ZNF677: variants seen among roughly 807,000 people sequenced by gnomAD.
ZNF677 encodes hypothetical protein MGC48625.
In ZNF677, 5 loss-of-function variants were observed where a neutral mutation model predicts 8.1. That is an observed-to-expected ratio of 0.62 (90% CI 0.32 to 1.29). ZNF677 has a LOEUF of 1.29. Among genes scored for constraint, ZNF677 ranks in the 50% most tolerant of loss-of-function variants. The pLI, the probability that ZNF677 is intolerant of heterozygous loss-of-function variation, is 0.05. For synonymous variants in ZNF677, 221 were observed against 225.6 expected (o/e 0.98, Z 0.18); for missense variants, 685 against 685.9 (o/e 1.00, Z 0.01).
intron 3 of ZNF677, among the ~76,000 whole-genome samples, chr19:53,249,775 T>C (rs1265214634): frequency 6.6e-6 from 1 of 151,822 alleles, no homozygotes; most frequent in Non-Finnish European, 1.5e-5. Context: ...TAACAAGTAG[T>C]GTAATCAGAA....
At position 53,237,845 on chromosome 19, in the gene ZNF677, G is replaced by T. The variant is rs779510730; in HGVS notation, c.882C>A (p.Asn294Lys). ...IHSGQRPYKC[N>K]ECGKAFNQCS... The stretch of plus-strand genomic sequence containing the variant: ...ACTGGTTAAAGGCTTTGCCACACTC[G>T]TTACATTTGTAAGGTCTCTGTCCAG... The change falls in exon 5 of 5, where the codon AAC becomes AAA. Residue 294 changes from asparagine to lysine, a missense_variant. Physicochemically the swap from Asn to Lys is moderately conservative, Grantham distance 94 (BLOSUM62 0). Transcript: ENST00000598513. 1 of 1,613,250 alleles carries T rather than the reference G, an allele frequency of 6.2e-7. No individual in the cohort carries two copies. The highest frequency in any genetic ancestry group is 8.5e-7 in the Non-Finnish European group (1 of 1,179,642).
intron 2 of ZNF677, among the ~76,000 whole-genome samples, chr19:53,252,151 C>T (rs1464140323): frequency 6.6e-6 from 1 of 152,208 alleles, no homozygotes; most frequent in Non-Finnish European, 1.5e-5. Flanking sequence ...GCTCTCCTAT[C>T]TCTAACCCTA....
At chr19:53,253,829 C>T (rs1258698489) in intron 1 of ZNF677, among the ~76,000 whole-genome samples, 1 of 152,000 alleles carries the variant, frequency 6.6e-6, no homozygotes, top group Non-Finnish European at 1.5e-5. Flanking sequence ...AAGTTGAATA[C>T]ACGTCAAATT....
chr19:53,239,578 T>A (rs557854815), intron 4 of ZNF677: 1 of 152,076 alleles, frequency 6.6e-6, no homozygotes, highest in Non-Finnish European at 1.5e-5. Context: ...CATTTTATTA[T>A]GTAGAGTCAG....
chr19:53,244,877 G>A (rs11881976), intron 3 of ZNF677, among the ~76,000 whole-genome samples: 2,136 of 152,198 alleles, frequency 0.014, 61 homozygotes, highest in African/African-American at 0.049. Flanking sequence ...AATCAAAACA[G>A]TATGGTACTG....
At chr19:53,252,921 C>G (rs1030908113) in intron 2 of ZNF677, among the ~76,000 whole-genome samples, 165 bp downstream of exon 2, 20 of 152,202 alleles carry the variant, frequency 1.3e-4, no homozygotes, top group African/African-American at 4.8e-4. Context: ...AAAAACTTAA[C>G]TACTGATAAC....
intron 3 of ZNF677, among the ~76,000 whole-genome samples, chr19:53,250,277 C>T (rs1226417418): frequency 6.6e-6 from 1 of 152,160 alleles, no homozygotes; most frequent in Non-Finnish European, 1.5e-5. Flanking sequence ...TTAGTTCAAC[C>T]ATCCTGGAAG....
chr19:53,253,952 G>A (rs2091275048), intron 1 of ZNF677, among the ~76,000 whole-genome samples: 1 of 152,132 alleles, frequency 6.6e-6, no homozygotes, highest in Admixed American at 6.5e-5. Flanking sequence ...CTCTCCTCAA[G>A]ATCAGAGAAA....
chr19:53,238,288 G>C lies in ZNF677; in HGVS notation c.439C>G (p.Gln147Glu), dbSNP rs1404558985. 1 of 1,613,846 alleles carries C rather than the reference G, an allele frequency of 6.2e-7. No homozygotes were observed. The highest frequency in any genetic ancestry group is 8.5e-7 in the Non-Finnish European group (1 of 1,179,884). Reference protein sequence around the residue: ...NKSSIHFSLKQSVSIRDSAHQ... With the variant: ...NKSSIHFSLKESVSIRDSAHQ... ...GCACTATCTCTTATAGAAACACTCT[G>C]CTTTAAAGAGAAATGTATTGAGGAT... Residue 147 changes from glutamine (Q) to glutamate (E), a missense_variant, in exon 5 of 5, where the codon CAG (glutamine) becomes GAG (glutamate). Physicochemically the swap from Gln to Glu is conservative, Grantham distance 29 (BLOSUM62 2). Coordinates refer to ENST00000598513, the MANE Select transcript of ZNF677 (RefSeq NM_182609.4).
chr19:53,241,784 T>C, intron 4 of ZNF677: 1 of 398,520 alleles, frequency 2.5e-6, no homozygotes, highest in Non-Finnish European at 4.4e-6. Flanking sequence ...CTGTGACAGA[T>C]TAATTAATGT....
At position 53,250,787 on chromosome 19, in the gene ZNF677, A is replaced by G. The variant is rs184243570; in HGVS notation, c.15+749T>C. Among the ~76,000 whole-genome samples, 29 of 152,310 alleles carry G rather than the reference A, an allele frequency of 1.9e-4. No homozygotes were observed. The East Asian group carries it at 4.1e-3, about 21-fold the overall frequency. ...ACTCCCATGACACAAGTTTAGCTATATAACAAACCTACCCCTGGACTAAAA... is the reference window on the plus strand; with the variant it reads ...ACTCCCATGACACAAGTTTAGCTATGTAACAAACCTACCCCTGGACTAAAA... On this transcript the variant is annotated intron_variant, in intron 3 of 4. Transcript: ENST00000598513.
At chr19:53,248,138 T>G (rs2091176517) in intron 3 of ZNF677, among the ~76,000 whole-genome samples, 1 of 152,216 alleles carries the variant, frequency 6.6e-6, no homozygotes, top group Admixed American at 6.5e-5. Flanking sequence ...TTCTTAACGG[T>G]TGCCCTGGGA....
At chr19:53,245,249 A>T (rs2914377) in intron 3 of ZNF677, among the ~76,000 whole-genome samples, 1 of 151,940 alleles carries the variant, frequency 6.6e-6, no homozygotes, top group Non-Finnish European at 1.5e-5. Context: ...CACCAAAAGC[A>T]CAGGCAAGAA....
At chr19:53,253,417 C>G (rs372250019) in intron 1 of ZNF677, among the ~76,000 whole-genome samples, 19 of 152,146 alleles carry the variant, frequency 1.2e-4, no homozygotes, top group African/African-American at 4.6e-4. Context: ...TTAGGCCAGG[C>G]GCGGTGGCTC....
intron 4 of ZNF677, 141 bp downstream of exon 4, chr19:53,243,603 T>C (rs2091089158): frequency 4.5e-6 from 5 of 1,100,292 alleles, no homozygotes; most frequent in African/African-American, 1.6e-5. Context: ...AAAGTCTATA[T>C]GCTACATTAT....
intron 4 of ZNF677, 41 bp from the exon 5 acceptor site, chr19:53,238,598 G>T: frequency 2.7e-6 from 4 of 1,475,572 alleles, no homozygotes; most frequent in Non-Finnish European, 3.6e-6. Context: ...CCATCAAATA[G>T]AGTTGCAAGG....
intron 1 of ZNF677, among the ~76,000 whole-genome samples, chr19:53,253,693 AT>A (rs1348139409): frequency 6.6e-6 from 1 of 152,174 alleles, no homozygotes; most frequent in Non-Finnish European, 1.5e-5. Flanking sequence ...TCTCAAAAAA[AT>A]AAATAAATAA....
chr19:53,249,214 C>T (rs1216311688), intron 3 of ZNF677: 1 of 152,176 alleles, frequency 6.6e-6, no homozygotes, highest in African/African-American at 2.4e-5. Flanking sequence ...TTTACTTCAG[C>T]TCTCTAAGCA....
At chr19:53,254,028 T>A (rs28683678) in intron 1 of ZNF677, among the ~76,000 whole-genome samples, 2 of 151,946 alleles carry the variant, frequency 1.3e-5, no homozygotes, top group Non-Finnish European at 2.9e-5. Flanking sequence ...TAAGGGTTGC[T>A]TCTGATGTAA....
Sources: allele counts gnomAD v4.1 joint callset (sites outside exome capture counted in the v4.1 genomes callset), GRCh38; gene constraint gnomAD v4.1.1; transcripts MANE v1.5; gene names NCBI Gene and HGNC (gene_info 2026-07-23, HGNC 2026-07-21).